The following GOLGB1 variants were observed in gnomAD, a reference collection of about 807,000 sequenced individuals.
The protein encoded by GOLGB1 is golgin B1.
In GOLGB1, 174 loss-of-function variants were observed where a neutral mutation model predicts 336.9. The ratio of observed to expected loss-of-function variants is 0.52; its 90% CI spans 0.46 to 0.59. GOLGB1 has a LOEUF of 0.59. GOLGB1 is among the 20% of genes least tolerant of loss of function. The probability of loss-of-function intolerance (pLI) is 0.00; values close to 1 mark genes in which losing one functional copy is unlikely to be tolerated. For missense variants in GOLGB1, 3,331 were observed against 3,645.3 expected, an observed-to-expected ratio of 0.91 and a Z score of 2.22; for synonymous variants, 1,208 against 1,289.2, an observed-to-expected ratio of 0.94 and a Z score of 1.35.
chr3:121,697,403 T>C lies in GOLGB1; in HGVS notation c.3120A>G (p.Gly1040=), dbSNP rs748092238. ...KEIPLSETER[G]EVEEDKENKE... ...TGTTTTCTTTATCTTCTTCCACTTC[T>C]CCCCTCTCAGTCTCACTGAGTGGGA... The change falls in exon 13 of 22, where the codon GGA becomes GGG. Residue 1040 remains glycine, a synonymous_variant. Coordinates refer to ENST00000614479, the MANE Select transcript of GOLGB1 (RefSeq NM_001366282.2). 2.0e-5 allele frequency: 32 copies of C among 1,613,068 alleles called. No individual in the cohort carries two copies. The East Asian group carries it at 6.9e-4, about 35-fold the overall frequency.
intron 11 of GOLGB1, among the ~76,000 whole-genome samples, chr3:121,700,842 G>A (rs532078586): frequency 7.9e-5 from 12 of 152,110 alleles, no homozygotes; most frequent in Admixed American, 3.9e-4. Context: ...CCAATTCTGC[G>A]TTCCTCTTCT....
At chr3:121,680,117 CT>C (rs1422601915) in intron 15 of GOLGB1, among the ~76,000 whole-genome samples, 2 of 152,246 alleles carry the variant, frequency 1.3e-5, no homozygotes, top group Non-Finnish European at 2.9e-5. Context: ...CCACTTCCTC[CT>C]GGCAGTATCA....
Position 121,692,358 on chromosome 3 carries a change from A to G in GOLGB1, c.7006T>C (p.Cys2336Arg). ...LTDLSNSLEK[C>R]KEQKGNLEGI... ...TCCAAGTTTCCTTTTTGTTCCTTAC[A>G]TTTTTCTAAAGAGTTACTTAAATCA... Residue 2336 changes from cysteine to arginine, a missense_variant, in exon 14 of 22, where the codon TGT (cysteine) becomes CGT (arginine). Coordinates refer to ENST00000614479, the MANE Select transcript of GOLGB1 (RefSeq NM_001366282.2). The G allele has an allele frequency of 6.2e-7, 1 of 1,604,474 alleles. No homozygotes were observed. Among genetic ancestry groups the G allele is most frequent in the Non-Finnish European group, 8.5e-7 (1 of 1,177,530 alleles).
chr3:121,704,978 T>TA (rs1053134997), intron 10 of GOLGB1, among the ~76,000 whole-genome samples: 2 of 152,098 alleles, frequency 1.3e-5, no homozygotes, highest in African/African-American at 2.4e-5. Context: ...ATCAAATAGA[T>TA]ATCTGATCAT....
chr3:121,690,903 G>A lies in GOLGB1; in HGVS notation c.8461C>T (p.Gln2821Ter), dbSNP rs952931093. 1 of 1,614,036 alleles carries A rather than the reference G, an allele frequency of 6.2e-7. No homozygotes were observed. Among genetic ancestry groups the A allele is most frequent in the Non-Finnish European group, 8.5e-7 (1 of 1,179,868 alleles). Residue 2821 changes from glutamine (Q) to a stop codon, truncating the protein, a stop_gained, in exon 14 of 22, where the codon CAA becomes TAA. Transcript: ENST00000614479. LOFTEE classifies it high-confidence loss of function. ...AGTTGTGAGGACAAGTGAAGCAATT[G>A]CTCATCTTTGGATAGGAGCTGTTGG... The part of the protein sequence containing the change: ...LNQQLLSKDE[Q>*]LLHLSSQLED...
At chr3:121,688,907 T>A (rs1330704223) in intron 14 of GOLGB1, among the ~76,000 whole-genome samples, 2 of 147,648 alleles carry the variant, frequency 1.4e-5, no homozygotes, top group African/African-American at 5.1e-5. Context: ...ACCCTCCGCC[T>A]GGCAACTGCC....
chr3:121,697,769 T>G lies in GOLGB1; in HGVS notation c.2754A>C (p.Lys918Asn). The G allele has an allele frequency of 6.2e-7, 1 of 1,614,076 alleles. No individual in the cohort carries two copies. The highest frequency in any genetic ancestry group is 8.5e-7 in the Non-Finnish European group (1 of 1,179,922). ...VTEISFSMTEKMVQLNEEKFS... is the reference protein window; with the variant it reads ...VTEISFSMTENMVQLNEEKFS... ...ACTTCTCTTCATTAAGCTGAACCAT[T>G]TTCTCAGTCATACTAAAGCTGATTT... The change falls in exon 13 of 22, where the codon AAA becomes AAC. Residue 918 changes from lysine to asparagine, a missense_variant. Physicochemically the swap from Lys to Asn is moderately conservative, Grantham distance 94. Coordinates refer to ENST00000614479, the MANE Select transcript of GOLGB1 (RefSeq NM_001366282.2).
chr3:121,748,267 T>C (rs540257429), intron 1 of GOLGB1, among the ~76,000 whole-genome samples: 2 of 152,338 alleles, frequency 1.3e-5, no homozygotes, highest in African/African-American at 4.8e-5. Context: ...TTCATTCTTT[T>C]ACGTTTATAC....
Position 121,693,769 on chromosome 3 carries a change from T to C in GOLGB1, c.6754A>G (p.Met2252Val), listed in dbSNP as rs373649340. Reference protein sequence around the residue: ...KDQLRQMSIHMEELKINISRL... With the variant: ...KDQLRQMSIHVEELKINISRL... Reference sequence around the variant, plus strand: ...GAAATGTTAATCTTTAATTCTTCCATATGGATGGACATCTGTCTAAGTTGA... The same window carrying C: ...GAAATGTTAATCTTTAATTCTTCCACATGGATGGACATCTGTCTAAGTTGA... Residue 2252 changes from methionine (M) to valine (V), a missense_variant, in exon 13 of 22, where the codon ATG (methionine) becomes GTG (valine). Met to Val is a conservative substitution (Grantham distance 21). Transcript: ENST00000614479. The C allele has an allele frequency of 1.1e-5, 18 of 1,608,068 alleles. No individual in the cohort carries two copies. Among genetic ancestry groups the C allele is most frequent in the East Asian group, 6.7e-5 (3 of 44,794 alleles).
At position 121,664,430 on chromosome 3, in the gene GOLGB1, G is replaced by A; in HGVS notation, c.*50C>T. The A allele has an allele frequency of 1.3e-6, 2 of 1,497,130 alleles. No individual in the cohort carries two copies. Among genetic ancestry groups the A allele is most frequent in the East Asian group, 2.3e-5 (1 of 44,206 alleles). 92.7% of individuals were successfully genotyped at this position (1,497,130 alleles called of 1,614,324 possible). A position where few individuals can be genotyped will look rare whatever the true frequency, so the allele number is the denominator to read the frequency against. On this transcript the variant is annotated 3_prime_UTR_variant, in exon 22 of 22. Transcript: ENST00000614479. ...GAATTGATGTTCTGATGTTAGAGGTGAGAGAATTCCAAGTTTTGAGGGGAG... is the reference window on the plus strand; with the variant it reads ...GAATTGATGTTCTGATGTTAGAGGTAAGAGAATTCCAAGTTTTGAGGGGAG...
chr3:121,724,674 A>T (rs1945439492), intron 5 of GOLGB1, among the ~76,000 whole-genome samples: 1 of 152,190 alleles, frequency 6.6e-6, no homozygotes, highest in Admixed American at 6.5e-5. Context: ...AGAAATTAAC[A>T]CGGCTAAAAG....
chr3:121,682,376 C>T (rs965766437), intron 14 of GOLGB1, among the ~76,000 whole-genome samples: 6 of 152,054 alleles, frequency 3.9e-5, no homozygotes, highest in Non-Finnish European at 1.5e-5. Flanking sequence ...ACTTCTTGGA[C>T]GTGTGACCCA....
rs998527384 is a variant in GOLGB1 at position 121,733,760 on chromosome 3, G to C, written c.-2-2787C>G. Among the ~76,000 whole-genome samples, 3 of 152,124 alleles carry C rather than the reference G, an allele frequency of 2.0e-5. No homozygotes were observed. In the East Asian group the frequency reaches 5.8e-4, roughly 29 times the overall value. The stretch of plus-strand genomic sequence containing the variant: ...CTAGAAATAGACACATACAAATCGA[G>C]TCAACTGATTTTTAACAAAGGTACA... On this transcript the variant is annotated intron_variant, in intron 1 of 21. Coordinates refer to ENST00000614479, the MANE Select transcript of GOLGB1 (RefSeq NM_001366282.2).
At position 121,718,393 on chromosome 3, in the gene GOLGB1, T is replaced by C. The variant is rs775874643; in HGVS notation, c.880A>G (p.Asn294Asp). ...QQELTAAEQR[N>D]QILSQQLQQM... The stretch of plus-strand genomic sequence containing the variant: ...TAAAGATTAAAAGGCAGTACCTGGT[T>C]TCTCTGCTCAGCAGCAGTCAGCTCC... The change falls in exon 8 of 22, where the codon AAC becomes GAC. Residue 294 changes from asparagine (N) to aspartate (D), a missense_variant. Asn to Asp is a conservative substitution (Grantham distance 23). Coordinates refer to ENST00000614479, the MANE Select transcript of GOLGB1 (RefSeq NM_001366282.2). The C allele has an allele frequency of 3.1e-6, 5 of 1,604,414 alleles. No homozygotes were observed. In the East Asian group the frequency reaches 1.1e-4, roughly 36 times the overall value.
chr3:121,678,217 C>T lies in GOLGB1; in HGVS notation c.8874-767G>A, dbSNP rs758943455. 4.8e-4 allele frequency among the ~76,000 whole-genome samples: 73 copies of T among 152,090 alleles called. 1 individual carries two copies. The highest frequency in any genetic ancestry group is 1.2e-4 in the Non-Finnish European group (8 of 68,018). On this transcript the variant is annotated intron_variant, in intron 15 of 21. Transcript: ENST00000614479. ...GATAAATGTTCACTTATAATCAAGT[C>T]CATAAAGATGTTAAATATGAAAATC...
chr3:121,666,470 C>A (rs955419016), intron 20 of GOLGB1, among the ~76,000 whole-genome samples: 1 of 152,132 alleles, frequency 6.6e-6, no homozygotes, highest in Non-Finnish European at 1.5e-5. Context: ...AGGGCACAGG[C>A]CTGAAAATGC....
Position 121,696,714 on chromosome 3 carries a change from T to G in GOLGB1, c.3809A>C (p.Glu1270Ala), listed in dbSNP as rs144068248. The G allele has an allele frequency of 2.9e-5, 47 of 1,614,008 alleles. No individual in the cohort carries two copies. In the African/African-American group the frequency reaches 6.0e-4, roughly 21 times the overall value. Residue 1270 changes from glutamate to alanine, a missense_variant, in exon 13 of 22, where the codon GAA becomes GCA. Coordinates refer to ENST00000614479, the MANE Select transcript of GOLGB1 (RefSeq NM_001366282.2). ...ESCSSTPGLEEPLFKATEQHH... is the reference protein window; with the variant it reads ...ESCSSTPGLEAPLFKATEQHH... ...CTGTTCTGTGGCTTTGAATAAAGGT[T>G]CTTCTAAACCTGGAGTGGAAGAACA...
intron 1 of GOLGB1, among the ~76,000 whole-genome samples, chr3:121,747,384 C>CGTATATATATACATATATACGTATATAT (rs1947429475): frequency 3.7e-5 from 5 of 136,730 alleles, no homozygotes; most frequent in African/African-American, 1.4e-4. Flanking sequence ...TGTCTATATA[C>CGTATATATATACATATATACGTATATAT]GTATATATAT....
At chr3:121,740,321 GT>G (rs1198941230) in intron 1 of GOLGB1, among the ~76,000 whole-genome samples, 2 of 152,156 alleles carry the variant, frequency 1.3e-5, no homozygotes, top group African/African-American at 4.8e-5. Context: ...AAACAACAAA[GT>G]GTATAAAAGA....
Sources: gnomAD v4.1 joint callset for allele counts (sites outside exome capture counted in the v4.1 genomes callset) on GRCh38, gnomAD v4.1.1 for gene constraint, MANE v1.5 for transcripts, NCBI Gene and HGNC (gene_info 2026-07-23, HGNC 2026-07-21) for gene names.